Variants in LTN1 observed in about 807,000 individuals in gnomAD.
LTN1 encodes E3 ubiquitin-protein ligase listerin.
A neutral mutation model predicts 201.2 loss-of-function variants in LTN1; 88 were observed. That is an observed-to-expected ratio of 0.44 (90% confidence interval 0.37 to 0.52). The LOEUF is 0.52. Ranked by LOEUF, LTN1 falls within the 20% of genes least tolerant of loss-of-function variation. The pLI is 0.00. For missense variants in LTN1, 1,752 were observed against 2,038.7 expected (o/e 0.86, Z 2.71); for synonymous variants, 645 against 713.5 (o/e 0.90, Z 1.53).
chr21:28,957,241 TTATG>T (rs2084433107), intron 15 of LTN1, 87 bp downstream of exon 15: 1 of 1,256,924 alleles, frequency 8.0e-7, no homozygotes, highest in African/African-American at 1.5e-5. Flanking sequence ...CTCATTTTAT[TTATG>T]TTTTTCTTCC....
At chr21:28,968,359 A>G (rs2084543918) in intron 9 of LTN1, among the ~76,000 whole-genome samples, 1 of 152,216 alleles carries the variant, frequency 6.6e-6, no homozygotes, top group Non-Finnish European at 1.5e-5. Flanking sequence ...AGAGTGCGGA[A>G]TCCTATTTCC....
In LTN1 at chr21:28,943,919, G is replaced by A; in HGVS notation, c.3983-15C>T. The A allele has an allele frequency of 2.0e-6, 3 of 1,509,450 alleles. No homozygotes were observed. The South Asian group carries it at 3.4e-5, about 17-fold the overall frequency. 93.5% of individuals were successfully genotyped at this position (1,509,450 alleles called of 1,614,324 possible). A position where few individuals can be genotyped will look rare whatever the true frequency, so the allele number is the denominator to read the frequency against. ...TTTGTTTTCTCCTAATGACAAAAAGGAAAGAAACATGCACGTCTCAAAAGA... is the reference window on the plus strand; with the variant it reads ...TTTGTTTTCTCCTAATGACAAAAAGAAAAGAAACATGCACGTCTCAAAAGA... On this transcript the variant is annotated splice_polypyrimidine_tract_variant and intron_variant, in intron 22 of 29. Transcript: ENST00000361371.
chr21:28,952,735 T>TA (rs2084392881), intron 17 of LTN1, among the ~76,000 whole-genome samples: 1 of 152,218 alleles, frequency 6.6e-6, no homozygotes, highest in Non-Finnish European at 1.5e-5. Flanking sequence ...CGGCAAGTGA[T>TA]AAACTCCTAA....
chr21:28,933,331 C>T (rs116710473), intron 27 of LTN1, among the ~76,000 whole-genome samples: 64 of 152,286 alleles, frequency 4.2e-4, no homozygotes, highest in Middle Eastern at 3.4e-3. Context: ...TAGTCCTTTG[C>T]TCATGTCTAC....
Position 28,957,413 on chromosome 21 carries a change from A to G in LTN1, c.2811T>C (p.Ser937=). The G allele has an allele frequency of 1.2e-6, 2 of 1,607,876 alleles. No homozygotes were observed. The highest frequency in any genetic ancestry group is 1.7e-6 in the Non-Finnish European group (2 of 1,178,012). The change falls in exon 15 of 30, where the codon TCT becomes TCC. Residue 937 remains serine (S), a synonymous_variant. Coordinates refer to ENST00000361371, the MANE Select transcript of LTN1 (RefSeq NM_015565.3). ...LLNTLLESED[S]YLMGVYIGSV... is the part of the protein sequence containing the mutation. Reference sequence around the variant, plus strand: ...TTCCAATATAAACTCCCATAAGATAAGAATCTTCACTCTCTAGAAGTGTAT... The same window carrying G: ...TTCCAATATAAACTCCCATAAGATAGGAATCTTCACTCTCTAGAAGTGTAT...
chr21:28,935,557 C>G (rs917146565), intron 26 of LTN1, among the ~76,000 whole-genome samples: 3 of 151,944 alleles, frequency 2.0e-5, no homozygotes, highest in Middle Eastern at 3.4e-3. Flanking sequence ...AAGTGAAAAT[C>G]CCGCCGGGCG....
intron 6 of LTN1, among the ~76,000 whole-genome samples, chr21:28,977,150 G>A (rs1225284947): frequency 6.6e-6 from 1 of 152,110 alleles, no homozygotes; most frequent in African/African-American, 2.4e-5. Context: ...GAGGCAGGTG[G>A]ATCACCTGAG....
chr21:28,973,453 TTG>T (rs1360240035), intron 6 of LTN1, among the ~76,000 whole-genome samples: 1 of 151,886 alleles, frequency 6.6e-6, no homozygotes, highest in Non-Finnish European at 1.5e-5. Context: ...GTATAATATT[TTG>T]TGAGATTTAA....
intron 18 of LTN1, among the ~76,000 whole-genome samples, chr21:28,950,363 G>A (rs1335477392): frequency 6.6e-6 from 1 of 151,908 alleles, no homozygotes; most frequent in Non-Finnish European, 1.5e-5. Context: ...ATTCATTTTT[G>A]TGTGGTAAAT....
chr21:28,937,214 G>T (rs1371302447), intron 25 of LTN1, among the ~76,000 whole-genome samples: 1 of 152,160 alleles, frequency 6.6e-6, no homozygotes, highest in Non-Finnish European at 1.5e-5. Context: ...AGCACTGCAG[G>T]TATCTGTGTG....
chr21:28,964,179 T>C (rs997280373), intron 11 of LTN1, among the ~76,000 whole-genome samples: 1 of 152,192 alleles, frequency 6.6e-6, no homozygotes, highest in African/African-American at 2.4e-5. Context: ...AAGTTCTTCT[T>C]TGGGTAAAAT....
At chr21:28,945,740 A>T in intron 21 of LTN1, 67 bp downstream of exon 21, 1 of 1,418,990 alleles carries the variant, frequency 7.0e-7, no homozygotes, top group Non-Finnish European at 9.6e-7. Flanking sequence ...TGAGATTAGT[A>T]AATAGTTCTG....
chr21:28,955,922 CA>C (rs772350234), intron 16 of LTN1, among the ~76,000 whole-genome samples: 1,806 of 69,548 alleles, frequency 0.026, 14 homozygotes, highest in African/African-American at 0.066. Context: ...GACTCTGTCT[CA>C]AAAAAAAAAA....
rs148201920 is a variant in LTN1, at chr21:28,957,513, C to G, written c.2748-37G>C. 5.8e-5 allele frequency: 85 copies of G among 1,471,050 alleles called. 2 individuals are homozygous for G. The East Asian group carries it at 6.6e-4, about 11-fold the overall frequency. 91.1% of individuals were successfully genotyped at this position (1,471,050 alleles called of 1,614,324 possible). A position where few individuals can be genotyped will look rare whatever the true frequency, so the allele number is the denominator to read the frequency against. On this transcript the variant is annotated intron_variant, in intron 14 of 29. Coordinates refer to ENST00000361371, the MANE Select transcript of LTN1 (RefSeq NM_015565.3). ...GCAGAGAACTTAACTGTTGTAGTTACGCTATGACTAGTTTGAATACCCCAA... is the reference window on the plus strand; with the variant it reads ...GCAGAGAACTTAACTGTTGTAGTTAGGCTATGACTAGTTTGAATACCCCAA...
rs574029894 is a variant in LTN1 at position 28,947,696 on chromosome 21, T to C, written c.3345-90A>G. The C allele has an allele frequency of 7.9e-4, 569 of 715,948 alleles. 1 individual carries two copies. Among genetic ancestry groups the C allele is most frequent in the Non-Finnish European group, 9.2e-4 (433 of 468,688 alleles). The allele number at this position is 715,948 out of a possible 1,614,324, so 44.3% of individuals were successfully genotyped here. A position where few individuals can be genotyped will look rare whatever the true frequency, so the allele number is the denominator to read the frequency against. ...CTTTTATTTAGACTACTGAAAAAGATAGATGAATAATTCTATCACATATAA... is the reference window on the plus strand; with the variant it reads ...CTTTTATTTAGACTACTGAAAAAGACAGATGAATAATTCTATCACATATAA... On this transcript the variant is annotated intron_variant, in intron 18 of 29. Transcript: ENST00000361371.
chr21:28,961,914 G>C (rs1391581130), intron 11 of LTN1, among the ~76,000 whole-genome samples: 1 of 152,146 alleles, frequency 6.6e-6, no homozygotes, highest in Admixed American at 6.5e-5. Flanking sequence ...GGGAGGCTGA[G>C]GCAGGAGAAT....
intron 6 of LTN1, among the ~76,000 whole-genome samples, chr21:28,978,132 G>C (rs1041505612): frequency 6.6e-6 from 1 of 151,906 alleles, no homozygotes; most frequent in Non-Finnish European, 1.5e-5. Context: ...GGGATCAAGC[G>C]ATCCTCCTGC....
rs2084319590 is a variant in LTN1 at position 28,944,234 on chromosome 21, G to A, written c.3982+149C>T. 2.6e-5 allele frequency: 17 copies of A among 644,176 alleles called. No individual in the cohort carries two copies. In the South Asian group the frequency reaches 3.4e-4, roughly 13 times the overall value. 39.9% of individuals were successfully genotyped at this position (644,176 alleles called of 1,614,324 possible). ...TCTGTCTGTAAAGTAAAGCATAGAT[G>A]ATGCTTCTGAGAAGCCAAGCTTTCT... On this transcript the variant is annotated intron_variant, in intron 22 of 29. Coordinates refer to ENST00000361371, the MANE Select transcript of LTN1 (RefSeq NM_015565.3).
In LTN1 at chr21:28,936,703, G is replaced by A; in HGVS notation, c.4483-6C>T. ...ATGGAATACAAAGCCCGAAGCTGGT[G>A]GAGAGCAAAGAATTTGTTAGTAAAC... On this transcript the variant is annotated splice_region_variant and splice_polypyrimidine_tract_variant and intron_variant, in intron 25 of 29. Coordinates refer to ENST00000361371, the MANE Select transcript of LTN1 (RefSeq NM_015565.3). The A allele has an allele frequency of 1.3e-6, 2 of 1,599,404 alleles. No individual in the cohort carries two copies. The highest frequency in any genetic ancestry group is 1.7e-6 in the Non-Finnish European group (2 of 1,170,674).
Sources: gnomAD v4.1 joint callset for allele counts (sites outside exome capture counted in the v4.1 genomes callset) on GRCh38, gnomAD v4.1.1 for gene constraint, MANE v1.5 for transcripts, NCBI Gene and HGNC (gene_info 2026-07-23, HGNC 2026-07-21) for gene names.